The following ITPR2 variants were observed in gnomAD, a reference collection of about 807,000 sequenced individuals.
ITPR2 encodes the protein inositol 1,4,5-trisphosphate receptor type 2.
ITPR2 carries 207 observed loss-of-function variants against 317.1 expected under a neutral mutation model. The observed-to-expected ratio is 0.65, with a 90% confidence interval of 0.58 to 0.73. The LOEUF (loss-of-function observed/expected upper bound fraction) is 0.73, where lower values mean the gene tolerates loss of function less well. ITPR2 is among the 30% of genes least tolerant of loss of function. The pLI, the probability that ITPR2 is intolerant of heterozygous loss-of-function variation, is 0.00. For synonymous variants in ITPR2, 1,156 were observed against 1,149.1 expected (o/e 1.01, Z -0.12); for missense variants, 2,613 against 3,284.0 (o/e 0.80, Z 4.99).
At chr12:26,729,355 T>C (rs1948989691) in intron 2 of ITPR2, among the ~76,000 whole-genome samples, 1 of 152,124 alleles carries the variant, frequency 6.6e-6, no homozygotes, top group Non-Finnish European at 1.5e-5. Context: ...ACTTCTACAC[T>C]GTTGGTGGGA....
intron 36 of ITPR2, among the ~76,000 whole-genome samples, chr12:26,552,167 G>A (rs1944541055): frequency 6.6e-6 from 1 of 152,034 alleles, no homozygotes; most frequent in Non-Finnish European, 1.5e-5. Context: ...TATAGACTAG[G>A]CTAATGTGTG....
chr12:26,575,201 G>A (rs1389506810), intron 34 of ITPR2, among the ~76,000 whole-genome samples: 1 of 147,520 alleles, frequency 6.8e-6, no homozygotes, highest in East Asian at 2.0e-4. Context: ...AGATGTAACA[G>A]TGAGGAATCT....
At chr12:26,388,733 C>T (rs1243801010) in intron 54 of ITPR2, among the ~76,000 whole-genome samples, 12 of 152,036 alleles carry the variant, frequency 7.9e-5, no homozygotes, top group Non-Finnish European at 1.8e-4. Context: ...AAATCTGTCC[C>T]CATTGAAGGG....
At chr12:26,429,721 T>A (rs1565521886) in intron 48 of ITPR2, among the ~76,000 whole-genome samples, 2 of 152,216 alleles carry the variant, frequency 1.3e-5, no homozygotes, top group Non-Finnish European at 2.9e-5. Flanking sequence ...AAATATATTC[T>A]GTGAGTTTGT....
At chr12:26,787,694 A>G (rs543387958) in intron 2 of ITPR2, among the ~76,000 whole-genome samples, 5 of 152,288 alleles carry the variant, frequency 3.3e-5, no homozygotes, top group Admixed American at 2.6e-4. Context: ...CACCCCTGGA[A>G]ACCAAGTTTT....
chr12:26,534,522 G>C (rs1343846825), intron 37 of ITPR2, among the ~76,000 whole-genome samples: 1 of 152,078 alleles, frequency 6.6e-6, no homozygotes, highest in Non-Finnish European at 1.5e-5. Flanking sequence ...CAATGAGTTA[G>C]TATATTTTCC....
In ITPR2 at chr12:26,617,662, G is replaced by GGGAGGGAAGGAA. The variant is rs772041496; in HGVS notation, c.3462+3449_3462+3460dup. 6.3e-3 allele frequency among the ~76,000 whole-genome samples: 770 copies of GGGAGGGAAGGAA among 122,348 alleles called. 7 individuals carry two copies. The highest frequency in any genetic ancestry group is 0.02 in the African/African-American group (653 of 33,140). 80.3% of individuals were successfully genotyped at this position (122,348 alleles called of 152,430 possible). A position where few individuals can be genotyped will look rare whatever the true frequency, so the allele number is the denominator to read the frequency against. On this transcript the variant is annotated intron_variant, in intron 26 of 56. Transcript: ENST00000381340. Reference sequence around the variant, plus strand: ...AAAAAGAAAAGAAAGGAGGGACGGAGGGAGGGAAGGAAGGAGGGAAGGAAG... The same window carrying GGGAGGGAAGGAA: ...AAAAAGAAAAGAAAGGAGGGACGGAGGGAGGGAAGGAAGGAGGGAAGGAAGGAGGGAAGGAAG...
At chr12:26,560,924 A>C (rs1442117973) in intron 35 of ITPR2, among the ~76,000 whole-genome samples, 1 of 152,174 alleles carries the variant, frequency 6.6e-6, no homozygotes, top group Admixed American at 6.5e-5. Context: ...ATATTCTACT[A>C]ATTATGTGAA....
intron 2 of ITPR2, among the ~76,000 whole-genome samples, chr12:26,782,020 A>G (rs1456899052): frequency 0.013 from 387 of 29,146 alleles, 1 homozygote; most frequent in Non-Finnish European, 0.022. Context: ...ATATATATAT[A>G]TATATATATA....
At position 26,491,068 on chromosome 12, in the gene ITPR2, G is replaced by A. The variant is rs1203110542; in HGVS notation, c.5370+3085C>T. Among the ~76,000 whole-genome samples, 3 of 152,278 alleles carry A rather than the reference G, an allele frequency of 2.0e-5. No homozygotes were observed. The East Asian group carries it at 5.8e-4, about 29-fold the overall frequency. On this transcript the variant is annotated intron_variant, in intron 39 of 56. Transcript: ENST00000381340. ...GGAAGGATGGAGGAGGCAAGAGGGT[G>A]GAAGAACAAGGGAAAGTTGGAAAAT...
intron 13 of ITPR2, among the ~76,000 whole-genome samples, chr12:26,669,349 C>T (rs1206210254): frequency 6.6e-6 from 1 of 151,762 alleles, no homozygotes. Flanking sequence ...TTCCAAAAGA[C>T]AGAAAGGAGG....
intron 37 of ITPR2, among the ~76,000 whole-genome samples, chr12:26,539,562 C>T (rs142985564): frequency 2.6e-5 from 4 of 152,318 alleles, no homozygotes; most frequent in African/African-American, 4.8e-5. Context: ...GCTGGAACCC[C>T]CTCCCCACTG....
chr12:26,612,696 T>C (rs1946295956), intron 26 of ITPR2, among the ~76,000 whole-genome samples: 1 of 152,220 alleles, frequency 6.6e-6, no homozygotes, highest in Admixed American at 6.5e-5. Context: ...CCTGAATTCG[T>C]ACAACAGCCT....
intron 37 of ITPR2, among the ~76,000 whole-genome samples, chr12:26,524,680 G>C (rs1943762485): frequency 6.6e-6 from 1 of 152,032 alleles, no homozygotes. Flanking sequence ...AAATAAAAAA[G>C]ATTGGTTTAA....
chr12:26,415,289 G>A lies in ITPR2; in HGVS notation c.7306+14C>T, dbSNP rs1253409544. ...TGCCATCAGAGAAACCTCATTTAGT[G>A]GTAATAGCAATACCTGTAACAGGAG... On this transcript the variant is annotated intron_variant, in intron 51 of 56. Transcript: ENST00000381340. 2.6e-6 allele frequency: 4 copies of A among 1,561,658 alleles called. No individual in the cohort carries two copies. The highest frequency in any genetic ancestry group is 1.4e-5 in the African/African-American group (1 of 72,594).
rs576676938 is a variant in ITPR2, at chr12:26,823,473, T to C, written c.92+9217A>G. On this transcript the variant is annotated intron_variant, in intron 1 of 56. Coordinates refer to ENST00000381340, the MANE Select transcript of ITPR2 (RefSeq NM_002223.4). ...AGATAACAATTAAAGTAACAATTAA[T>C]CCATTGAGATAATAATTAAAAACAG... 2.6e-5 allele frequency among the ~76,000 whole-genome samples: 4 copies of C among 152,278 alleles called. No individual in the cohort carries two copies. The South Asian group carries it at 8.3e-4, about 32-fold the overall frequency.
intron 34 of ITPR2, 152 bp downstream of exon 34, chr12:26,578,561 G>T: frequency 1.8e-6 from 1 of 571,128 alleles, no homozygotes; most frequent in Non-Finnish European, 2.9e-6. Flanking sequence ...GCAACATTCA[G>T]AATCATTTGC....
In ITPR2 at chr12:26,391,555, CCTTTTTTTT is replaced by C. The variant is rs1362758105; in HGVS notation, c.7697-3970_7697-3962del. On this transcript the variant is annotated intron_variant, in intron 54 of 56. Coordinates refer to ENST00000381340, the MANE Select transcript of ITPR2 (RefSeq NM_002223.4). Reference sequence around the variant, plus strand: ...AGCTTCTTCTTCTTCTTCTTCTTTTCCTTTTTTTTTTTTTTTTTTTTTTTTTTTTGACAG... The same window carrying C: ...AGCTTCTTCTTCTTCTTCTTCTTTTCTTTTTTTTTTTTTTTTTTTTGACAG... 6.4e-3 allele frequency among the ~76,000 whole-genome samples: 450 copies of C among 70,852 alleles called. 18 individuals carry two copies. The highest frequency in any genetic ancestry group is 0.022 in the African/African-American group (402 of 18,634). The allele number at this position is 70,852 out of a possible 152,430, so 46.5% of individuals were successfully genotyped here.
chr12:26,358,692 A>G (rs1485925448), intron 55 of ITPR2, among the ~76,000 whole-genome samples: 1 of 151,980 alleles, frequency 6.6e-6, no homozygotes. Flanking sequence ...AGGCACTGAT[A>G]TGTTTTTAAT....
Sources: allele counts gnomAD v4.1 joint callset (sites outside exome capture counted in the v4.1 genomes callset), GRCh38; gene constraint gnomAD v4.1.1; transcripts MANE v1.5; gene names NCBI Gene and HGNC (gene_info 2026-07-23, HGNC 2026-07-21).